The following BRF1 variants were observed in gnomAD, a reference collection of about 807,000 sequenced individuals.
BRF1 encodes the protein transcription factor IIIB 90 kDa subunit.
BRF1 carries 59 observed loss-of-function variants against 81.7 expected under a neutral mutation model. The observed-to-expected ratio is 0.72, with a 90% CI of 0.59 to 0.90. The LOEUF is 0.90. Ranked by LOEUF, BRF1 falls within the 40% of genes least tolerant of loss-of-function variation. BRF1 has a pLI of 0.00. For synonymous variants in BRF1, 491 were observed against 395.6 expected (o/e 1.24, Z -2.86); for missense variants, 1,050 against 936.3 (o/e 1.12, Z -1.58).
rs1406426893 is a variant in BRF1 at position 105,312,251 on chromosome 14, A to G, written c.-162+3071T>C. Reference sequence around the variant, plus strand: ...GAAAGGCCTCGGCCCATCCTGTCCCATGACTGGGGGTTGGGGCTTCGTCTT... The same window carrying G: ...GAAAGGCCTCGGCCCATCCTGTCCCGTGACTGGGGGTTGGGGCTTCGTCTT... On this transcript the variant is annotated intron_variant, in intron 1 of 17. Coordinates refer to the BRF1 transcript ENST00000327359. Among the ~76,000 whole-genome samples the G allele has an allele frequency of 3.3e-5, 5 of 152,234 alleles. No homozygotes were observed. The East Asian group carries it at 9.6e-4, about 29-fold the overall frequency.
At chr14:105,312,310 G>C (rs2058369878) in intron 1 of BRF1, among the ~76,000 whole-genome samples, 1 of 152,246 alleles carries the variant, frequency 6.6e-6, no homozygotes, top group Admixed American at 6.5e-5. Flanking sequence ...CAAGCATTCA[G>C]AACCTTGAAG....
intron 12 of BRF1, chr14:105,219,456 G>T: frequency 1.0e-6 from 1 of 983,492 alleles, no homozygotes; most frequent in Non-Finnish European, 1.5e-6. Context: ...CCACATGTGT[G>T]AGACCCCCTA....
At chr14:105,243,826 T>C (rs759537143) in intron 5 of BRF1, among the ~76,000 whole-genome samples, 14 of 151,658 alleles carry the variant, frequency 9.2e-5, no homozygotes, top group Admixed American at 2.0e-4. Context: ...TGAAACCCCA[T>C]CTCTACTAAA....
rs925463829 is a variant in BRF1, at chr14:105,269,570, G to A, written c.439+3151C>T. On this transcript the variant is annotated intron_variant, in intron 3 of 17. Transcript: ENST00000547530. The surrounding 1 kb of genome is among the most constrained non-coding windows in gnomAD (Gnocchi z 5.0). The stretch of plus-strand genomic sequence containing the variant: ...ACTGTGAGCACTGTGCGTGAGCCTC[G>A]GTGGGGACACAGGTACTCTTTTCCC... Among the ~76,000 whole-genome samples the A allele has an allele frequency of 1.3e-5, 2 of 152,146 alleles. No individual in the cohort carries two copies. The highest frequency in any genetic ancestry group is 2.4e-5 in the African/African-American group (1 of 41,422).
chr14:105,211,158 G>A lies in BRF1; in HGVS notation c.1960C>T (p.Pro654Ser), dbSNP rs762277413. The stretch of plus-strand genomic sequence containing the variant: ...ATCATCTGCAGGGCACTGACGCAGG[G>A]CTCCCCGTCCTCCTCGTCAGGCTCC... ...EEEPDEEDGEPCVSALQMMGS... is the reference protein window; with the variant it reads ...EEEPDEEDGESCVSALQMMGS... The change falls in exon 17 of 18, where the codon CCC (proline) becomes TCC (serine). Residue 654 changes from proline (P) to serine (S), a missense_variant. Transcript: ENST00000547530. The A allele has an allele frequency of 6.2e-7, 1 of 1,612,436 alleles. No homozygotes were observed. The highest frequency in any genetic ancestry group is 1.1e-5 in the South Asian group (1 of 91,054).
chr14:105,210,604 G>A lies in BRF1; in HGVS notation c.1997-16C>T, dbSNP rs1889949635. 6 of 1,610,960 alleles carry A rather than the reference G, an allele frequency of 3.7e-6. No individual in the cohort carries two copies. Among genetic ancestry groups the A allele is most frequent in the Non-Finnish European group, 5.1e-6 (6 of 1,179,782 alleles). Reference sequence around the variant, plus strand: ...CAGCCATAGTCTGCAGAAGAGCACAGTCATGAAGCCCAGGGTCTCTGTGGG... The same window carrying A: ...CAGCCATAGTCTGCAGAAGAGCACAATCATGAAGCCCAGGGTCTCTGTGGG... On this transcript the variant is annotated splice_polypyrimidine_tract_variant and intron_variant, in intron 17 of 17. Coordinates refer to ENST00000547530, the MANE Select transcript of BRF1 (RefSeq NM_001519.4). This position sits in a 1 kb window ranked among gnomAD's most constrained non-coding sequence, Gnocchi z 4.7.
At chr14:105,314,562 AGCGCGCGCGCACCTCACTTCCG>A (rs2058469477) in intron 1 of BRF1, 1 of 144,930 alleles carries the variant, frequency 6.9e-6, no homozygotes, top group African/African-American at 2.5e-5. Context: ...CGCCGGAGGA[AGCGCGCGCGCACCTCACTTCCG>A]GCGCGCGCTG....
chr14:105,286,261 G>A (rs766514532), intron 2 of BRF1, 35 bp downstream of exon 2: 7 of 1,590,102 alleles, frequency 4.4e-6, no homozygotes, highest in African/African-American at 2.7e-5. Flanking sequence ...TCTGGGACCC[G>A]CCGCACGCTC....
At position 105,217,807 on chromosome 14, in the gene BRF1, G is replaced by C. The variant is rs376622506; in HGVS notation, c.1516-7C>G. The C allele has an allele frequency of 2.5e-6, 4 of 1,608,638 alleles. No homozygotes were observed. In the East Asian group the frequency reaches 6.7e-5, roughly 27 times the overall value. On this transcript the variant is annotated splice_region_variant and splice_polypyrimidine_tract_variant and intron_variant, in intron 14 of 17. Transcript: ENST00000547530. ...GCTTGCAAGACTTCTTGGGCTTGAG[G>C]GAAACAAGCAAGAATGCCTCCCGTG...
At chr14:105,307,376 C>T (rs1243308248) in intron 1 of BRF1, among the ~76,000 whole-genome samples, 1 of 152,166 alleles carries the variant, frequency 6.6e-6, no homozygotes, top group Non-Finnish European at 1.5e-5. Context: ...TGACCCAGTT[C>T]TAATTCTGCT....
chr14:105,249,503 A>G, intron 5 of BRF1: 2 of 1,455,194 alleles, frequency 1.4e-6, no homozygotes, highest in Non-Finnish European at 1.9e-6. Flanking sequence ...CTGGGGAGGG[A>G]CGGGTGGGTC....
At chr14:105,257,235 C>T (rs1437766441) in intron 3 of BRF1, among the ~76,000 whole-genome samples, 2 of 152,336 alleles carry the variant, frequency 1.3e-5, no homozygotes, top group African/African-American at 2.4e-5. Context: ...CTCTGCCAGA[C>T]AGCTGAAGTG....
chr14:105,226,083 C>T lies in BRF1; in HGVS notation c.1034G>A (p.Ser345Asn), dbSNP rs139784804. Residue 345 changes from serine (S) to asparagine (N), a missense_variant, in exon 10 of 18, where the codon AGC (serine) becomes AAC (asparagine). Coordinates refer to ENST00000547530, the MANE Select transcript of BRF1 (RefSeq NM_001519.4). ...AGTGGACTCACCATCTTTTGCCAGGCTGGCCAGGCCCCCCTTGGCCTTTGG... is the reference window on the plus strand; with the variant it reads ...AGTGGACTCACCATCTTTTGCCAGGTTGGCCAGGCCCCCCTTGGCCTTTGG... ...SRPKAKGGLA[S>N]LAKDGSTEDT... The T allele has an allele frequency of 6.2e-7, 1 of 1,613,756 alleles. No homozygotes were observed. Among genetic ancestry groups the T allele is most frequent in the Non-Finnish European group, 8.5e-7 (1 of 1,179,972 alleles).
chr14:105,298,918 C>A (rs1185850953), intron 1 of BRF1, among the ~76,000 whole-genome samples: 1 of 151,300 alleles, frequency 6.6e-6, no homozygotes, highest in Non-Finnish European at 1.5e-5. Context: ...CGCCTGTAAT[C>A]CCAGCACTTT....
intron 1 of BRF1, among the ~76,000 whole-genome samples, chr14:105,288,762 T>G (rs1376138080): frequency 2.7e-5 from 4 of 149,602 alleles, no homozygotes; most frequent in African/African-American, 9.8e-5. Flanking sequence ...GCCTCCCGAG[T>G]AGCTGGGACT....
At position 105,209,734 on chromosome 14, in the gene BRF1, T is replaced by C. The variant is rs587620215; in HGVS notation, c.*817A>G. Reference sequence around the variant, plus strand: ...GGGAACTCCCAGCGCCAGGACACTATGCAGGCTATGCCCGCACTGCCTACA... The same window carrying C: ...GGGAACTCCCAGCGCCAGGACACTACGCAGGCTATGCCCGCACTGCCTACA... On this transcript the variant is annotated 3_prime_UTR_variant, in exon 18 of 18. Transcript: ENST00000547530. 330 of 608,322 alleles carry C rather than the reference T, an allele frequency of 5.4e-4. 2 individuals are homozygous for C. Among genetic ancestry groups the C allele is most frequent in the Middle Eastern group, 3.4e-3 (8 of 2,368 alleles). The allele number at this position is 608,322 out of a possible 1,614,324, so 37.7% of individuals were successfully genotyped here. A position where few individuals can be genotyped will look rare whatever the true frequency, so the allele number is the denominator to read the frequency against.
chr14:105,223,422 A>AT (rs1555378612), intron 10 of BRF1, among the ~76,000 whole-genome samples: 1 of 152,070 alleles, frequency 6.6e-6, no homozygotes, highest in Non-Finnish European at 1.5e-5. Context: ...CGAACAAACC[A>AT]TTGATGCGTG....
At chr14:105,219,442 C>T in intron 12 of BRF1, 10 of 1,101,980 alleles carry the variant, frequency 9.1e-6, no homozygotes, top group Non-Finnish European at 1.3e-5. Flanking sequence ...GCCAACCACG[C>T]AGGCCACATG....
chr14:105,250,810 G>A (rs2140298062), intron 5 of BRF1: 11 of 952,896 alleles, frequency 1.2e-5, no homozygotes, highest in Non-Finnish European at 1.7e-5. Context: ...TGACTGTGTA[G>A]AGACATTTTC....
Sources: allele counts gnomAD v4.1 joint callset (sites outside exome capture counted in the v4.1 genomes callset), GRCh38; gene constraint gnomAD v4.1.1; non-coding constraint Gnocchi (gnomAD v3.1); transcripts MANE v1.5; gene names NCBI Gene and HGNC (gene_info 2026-07-23, HGNC 2026-07-21).